Variants in ZNF287 observed in about 807,000 individuals in gnomAD.
ZNF287 encodes zinc finger protein 287, also known as zinc finger protein with KRAB and SCAN domains 13.
In ZNF287, 31 loss-of-function variants were observed where a neutral mutation model predicts 73.7. That is an observed-to-expected ratio of 0.42 (90% CI 0.32 to 0.57). ZNF287 has a LOEUF of 0.57. ZNF287 is among the 20% of genes least tolerant of loss of function. The pLI is 0.13. For missense variants in ZNF287, 641 were observed against 909.3 expected (o/e 0.70, Z 3.79); for synonymous variants, 301 against 307.2 (o/e 0.98, Z 0.21).
intron 2 of ZNF287, 36 bp from the exon 3 acceptor site, chr17:16,566,658 C>T: frequency 2.6e-6 from 4 of 1,519,158 alleles, no homozygotes; most frequent in Non-Finnish European, 3.6e-6. Context: ...GGAGATTAGT[C>T]CTTTCTGAAT....
chr17:16,566,444 C>A, intron 3 of ZNF287, 81 bp downstream of exon 3: 2 of 1,142,264 alleles, frequency 1.8e-6, no homozygotes, highest in Non-Finnish European at 1.3e-6. Context: ...TCTGGGGGCA[C>A]AGTAGTTATA....
At position 16,552,616 on chromosome 17, in the gene ZNF287, A is replaced by T. The variant is rs960007237; in HGVS notation, c.1526T>A (p.Ile509Lys). The change falls in exon 6 of 6, where the codon ATA becomes AAA. Residue 509 changes from isoleucine (I) to lysine (K), a missense_variant. Ile to Lys is a moderately radical substitution (Grantham distance 102). This residue lies in a region of ZNF287 where 284 missense variants were observed against 466.8 expected (regional missense o/e 0.61). Coordinates refer to ENST00000395825, the MANE Select transcript of ZNF287 (RefSeq NM_020653.4). The surrounding 1 kb of genome is among the most constrained non-coding windows in gnomAD (Gnocchi z 6.5). ...GAAAGTCTTCCCACATTCATTGCAT[A>T]TATAAGGTTTTTCTCCAGTATGAAC... ...QRVHTGEKPYICNECGKTFSQ... is the reference protein window; with the variant it reads ...QRVHTGEKPYKCNECGKTFSQ... The T allele has an allele frequency of 6.2e-7, 1 of 1,614,076 alleles. No homozygotes were observed. Among genetic ancestry groups the T allele is most frequent in the East Asian group, 2.2e-5 (1 of 44,880 alleles).
At position 16,567,425 on chromosome 17, in the gene ZNF287, C is replaced by T. The variant is rs1244455997; in HGVS notation, c.307G>A (p.Gly103Ser). Residue 103 changes from glycine to serine, a missense_variant, in exon 2 of 6, where the codon GGT becomes AGT. This residue lies in a region of ZNF287 where 357 missense variants were observed against 442.4 expected (regional missense o/e 0.81). Coordinates refer to ENST00000395825, the MANE Select transcript of ZNF287 (RefSeq NM_020653.4). ...GACTTTACCCAAGTCCTAACCTCAC[C>T]AGGCAGGATGGTCAGGAATTGCTCC... ...VLEQFLTILP[G>S]EVRTWVKSQY... 1.2e-6 allele frequency: 2 copies of T among 1,614,204 alleles called. No individual in the cohort carries two copies. The highest frequency in any genetic ancestry group is 2.2e-5 in the South Asian group (2 of 91,090).
In ZNF287 at chr17:16,567,738, A is replaced by T; in HGVS notation, c.-7T>A. 6.3e-7 allele frequency: 1 copy of T among 1,599,052 alleles called. No individual in the cohort carries two copies. The highest frequency in any genetic ancestry group is 8.5e-7 in the Non-Finnish European group (1 of 1,172,132). On this transcript the variant is annotated 5_prime_UTR_variant, in exon 2 of 6. Coordinates refer to ENST00000395825, the MANE Select transcript of ZNF287 (RefSeq NM_020653.4). ...TCTTGCTTGAGGCTAACATTGCTAC[A>T]GACAGGAGAGTCAATCTGGCAATAT...
intron 4 of ZNF287, 54 bp from the exon 5 acceptor site, chr17:16,563,286 G>C: frequency 3.0e-6 from 4 of 1,343,174 alleles, no homozygotes; most frequent in Non-Finnish European, 4.2e-6. Flanking sequence ...GTTGCTCAAA[G>C]TTTTATTACC....
In ZNF287 at chr17:16,548,525, C is replaced by T. The variant is rs879494409; in HGVS notation, c.*3331G>A. Among the ~76,000 whole-genome samples, 9 of 152,084 alleles carry T rather than the reference C, an allele frequency of 5.9e-5. No individual in the cohort carries two copies. The highest frequency in any genetic ancestry group is 1.2e-4 in the Non-Finnish European group (8 of 68,026). ...TTAAAGAGGAAAAACTGTCCGGGCG[C>T]GGTGGTTCACGCCTGTAATGCCAGT... On this transcript the variant is annotated 3_prime_UTR_variant, in exon 6 of 6. Transcript: ENST00000395825.
chr17:16,555,956 C>T (rs1907031695), intron 5 of ZNF287, among the ~76,000 whole-genome samples: 1 of 151,810 alleles, frequency 6.6e-6, no homozygotes, highest in South Asian at 2.1e-4. Flanking sequence ...GAGTAATATG[C>T]AGTAATTGAA....
intron 5 of ZNF287, among the ~76,000 whole-genome samples, chr17:16,559,605 T>A (rs1056558135): frequency 2.3e-5 from 2 of 85,254 alleles, no homozygotes; most frequent in Admixed American, 1.1e-4. Flanking sequence ...ACACACACAC[T>A]TCCTAGCTCT....
intron 5 of ZNF287, among the ~76,000 whole-genome samples, chr17:16,555,430 G>T (rs537768531): frequency 5.3e-5 from 8 of 152,182 alleles, no homozygotes; most frequent in Non-Finnish European, 1.2e-4. Context: ...TTCCAACCTA[G>T]ATGCAAATTC....
At position 16,549,561 on chromosome 17, in the gene ZNF287, A is replaced by G. The variant is rs1207098016; in HGVS notation, c.*2295T>C. ...CCTGTACTTTGTGCAGGATGATACT[A>G]TGAAATCAAGGTTAACTAATGTAAG... On this transcript the variant is annotated 3_prime_UTR_variant, in exon 6 of 6. Transcript: ENST00000395825. Among the ~76,000 whole-genome samples, 1 of 152,244 alleles carries G rather than the reference A, an allele frequency of 6.6e-6. No individual in the cohort carries two copies. Among genetic ancestry groups the G allele is most frequent in the Non-Finnish European group, 1.5e-5 (1 of 68,046 alleles).
intron 5 of ZNF287, among the ~76,000 whole-genome samples, chr17:16,561,733 AAG>A (rs1410801972): frequency 6.6e-6 from 1 of 152,148 alleles, no homozygotes; most frequent in East Asian, 1.9e-4. Context: ...TTTTTTAAAA[AAG>A]AAAAAAGGCT....
chr17:16,558,740 G>A (rs535785760), intron 5 of ZNF287, among the ~76,000 whole-genome samples: 1 of 152,310 alleles, frequency 6.6e-6, no homozygotes, highest in East Asian at 1.9e-4. Context: ...CAGCACTGGA[G>A]GCCAAGGCAG....
At position 16,550,854 on chromosome 17, in the gene ZNF287, C is replaced by T. The variant is rs1338745054; in HGVS notation, c.*1002G>A. On this transcript the variant is annotated 3_prime_UTR_variant, in exon 6 of 6. Coordinates refer to ENST00000395825, the MANE Select transcript of ZNF287 (RefSeq NM_020653.4). ...AAAAATGGGAACTGTATACTTTATA[C>T]CTACTTTTTTCCTTCAGGATGACCT... Among the ~76,000 whole-genome samples, 1 of 152,128 alleles carries T rather than the reference C, an allele frequency of 6.6e-6. No homozygotes were observed. Among genetic ancestry groups the T allele is most frequent in the African/African-American group, 2.4e-5 (1 of 41,428 alleles).
chr17:16,561,296 A>C (rs1421604233), intron 5 of ZNF287, among the ~76,000 whole-genome samples: 1 of 152,202 alleles, frequency 6.6e-6, no homozygotes, highest in Non-Finnish European at 1.5e-5. Flanking sequence ...CCTGGGCGAC[A>C]AGAGTGAAAC....
Position 16,551,946 on chromosome 17 carries a change from A to G in ZNF287, c.2196T>C (p.Tyr732=). The G allele has an allele frequency of 1.2e-6, 2 of 1,614,124 alleles. No homozygotes were observed. The highest frequency in any genetic ancestry group is 1.7e-6 in the Non-Finnish European group (2 of 1,179,970). ...HQRIHTGEKP[Y]ACRICGKTFT... The stretch of plus-strand genomic sequence containing the variant: ...AGGTTTTACCACATATACGACATGC[A>G]TAGGGTTTCTCTCCTGTGTGAATTC... Residue 732 remains tyrosine (Y), a synonymous_variant, in exon 6 of 6, where the codon TAT becomes TAC. Coordinates refer to ENST00000395825, the MANE Select transcript of ZNF287 (RefSeq NM_020653.4).
At position 16,567,847 on chromosome 17, in the gene ZNF287, G is replaced by A. The variant is rs538867471; in HGVS notation, c.-116C>T. On this transcript the variant is annotated 5_prime_UTR_variant, in exon 2 of 6. Coordinates refer to ENST00000395825, the MANE Select transcript of ZNF287 (RefSeq NM_020653.4). ...CACTATATCAAAGGCTGCTGCAGCCGAGGGCAGAACAGAATCAAGGTAGAG... is the reference window on the plus strand; with the variant it reads ...CACTATATCAAAGGCTGCTGCAGCCAAGGGCAGAACAGAATCAAGGTAGAG... The A allele has an allele frequency of 9.5e-6, 14 of 1,478,202 alleles. No homozygotes were observed. Among genetic ancestry groups the A allele is most frequent in the South Asian group, 5.6e-5 (4 of 70,856 alleles). The allele number at this position is 1,478,202 out of a possible 1,614,324, so 91.6% of individuals were successfully genotyped here.
At position 16,554,416 on chromosome 17, in the gene ZNF287, C is replaced by T. The variant is rs550610571; in HGVS notation, c.716-990G>A. ...CTCAAACTCCTGGCCTCAGGTGATC[C>T]GCCTGCCTCAGCCTCTCAAAGTGTT... is the stretch of plus-strand genomic sequence containing the variant. On this transcript the variant is annotated intron_variant, in intron 5 of 5. Transcript: ENST00000395825. 2.6e-4 allele frequency among the ~76,000 whole-genome samples: 39 copies of T among 152,218 alleles called. No homozygotes were observed. In the East Asian group the frequency reaches 4.4e-3, roughly 17 times the overall value.
At chr17:16,566,871 C>T (rs972617162) in intron 2 of ZNF287, among the ~76,000 whole-genome samples, 1 of 152,110 alleles carries the variant, frequency 6.6e-6, no homozygotes, top group African/African-American at 2.4e-5. Context: ...TAACTAAATC[C>T]TTATGTGATA....
intron 5 of ZNF287, among the ~76,000 whole-genome samples, chr17:16,555,623 C>T (rs573264149): frequency 4.6e-5 from 7 of 151,738 alleles, no homozygotes; most frequent in African/African-American, 1.7e-4. Flanking sequence ...CACACACACA[C>T]ACACACACAC....
Sources: allele counts gnomAD v4.1 joint callset (sites outside exome capture counted in the v4.1 genomes callset), GRCh38; gene constraint gnomAD v4.1.1; regional missense constraint gnomAD v4.1.1; non-coding constraint Gnocchi (gnomAD v3.1); transcripts MANE v1.5; gene names NCBI Gene and HGNC (gene_info 2026-07-23, HGNC 2026-07-21).